The following WDR41 variants were observed in gnomAD, a reference collection of about 807,000 sequenced individuals.
The protein encoded by WDR41 is WD repeat domain 41.
In WDR41, 63 loss-of-function variants were observed where a neutral mutation model predicts 69.3. That is an observed-to-expected ratio of 0.91 (90% CI 0.74 to 1.12). The LOEUF is 1.12. Ranked by LOEUF, WDR41 falls within the 50% of genes most tolerant of loss-of-function variation. WDR41 has a pLI of 0.00. For synonymous variants in WDR41, 185 were observed against 192.1 expected (o/e 0.96, Z 0.31); for missense variants, 543 against 534.5 (o/e 1.02, Z -0.16).
chr5:77,512,351 A>AGAGAGAGAGAGAGAGAGAGAGAGAGT (rs1561211233), intron 1 of WDR41, among the ~76,000 whole-genome samples: 13 of 120,294 alleles, frequency 1.1e-4, no homozygotes, highest in Non-Finnish European at 1.0e-4. Flanking sequence ...AGAGAGAGAG[A>AGAGAGAGAGAGAGAGAGAGAGAGAGT]GTGAGTGTGT....
At chr5:77,479,977 G>GA (rs1277180582) in intron 2 of WDR41, 1 of 151,700 alleles carries the variant, frequency 6.6e-6, no homozygotes, top group Non-Finnish European at 1.5e-5. Flanking sequence ...AAATTTACAA[G>GA]AAAAAAACAA....
chr5:77,433,252 C>T lies in WDR41; in HGVS notation c.1263G>A (p.Thr421=), dbSNP rs747323957. The change falls in exon 13 of 13, where the codon ACG becomes ACA. Residue 421 remains threonine, a synonymous_variant. Coordinates refer to ENST00000296679, the MANE Select transcript of WDR41 (RefSeq NM_018268.4). ...FLYFEDHGLV[T]CSADHLIILW... ...AAATAATGAGATGATCAGCGGAGCA[C>T]GTCACTAGTCCATGATCTTCAAAGT... 23 of 1,613,662 alleles carry T rather than the reference C, an allele frequency of 1.4e-5. No homozygotes were observed. The highest frequency in any genetic ancestry group is 4.4e-5 in the South Asian group (4 of 90,970).
intron 1 of WDR41, among the ~76,000 whole-genome samples, chr5:77,530,336 CT>C (rs1256162752): frequency 6.6e-6 from 1 of 151,616 alleles, no homozygotes; most frequent in Non-Finnish European, 1.5e-5. Context: ...TTGATTGCAT[CT>C]TTATTAATAA....
At chr5:77,540,139 G>A (rs1579999198) in intron 1 of WDR41, among the ~76,000 whole-genome samples, 1 of 152,172 alleles carries the variant, frequency 6.6e-6, no homozygotes, top group East Asian at 1.9e-4. Context: ...CATCACTCCT[G>A]ATAGAATTCC....
chr5:77,549,788 G>T (rs1419315235), intron 1 of WDR41, among the ~76,000 whole-genome samples: 9 of 151,614 alleles, frequency 5.9e-5, no homozygotes, highest in Non-Finnish European at 8.9e-5. Context: ...AATATCCATA[G>T]CAATCCTAAG....
rs1802191683 is a variant in WDR41, at chr5:77,511,147, T to C, written c.43-21575A>G. On this transcript the variant is annotated intron_variant, in intron 1 of 5. Transcript: ENST00000509971. ...ACAAAGTGTTACTTATCATAATTTT[T>C]AGAACTCCACATTGAAAGATCCTCC... is the stretch of plus-strand genomic sequence containing the variant. Among the ~76,000 whole-genome samples, 4 of 152,220 alleles carry C rather than the reference T, an allele frequency of 2.6e-5. No homozygotes were observed. In the South Asian group the frequency reaches 8.3e-4, roughly 31 times the overall value.
intron 1 of WDR41, among the ~76,000 whole-genome samples, chr5:77,517,457 C>T (rs1271500660): frequency 6.6e-6 from 1 of 152,150 alleles, no homozygotes; most frequent in Non-Finnish European, 1.5e-5. Context: ...AATGCCCCTG[C>T]TGCAGCTAGA....
chr5:77,620,342 C>G (rs1414682842), intron 1 of WDR41: 1 of 365,984 alleles, frequency 2.7e-6, no homozygotes, highest in Non-Finnish European at 5.4e-6. Flanking sequence ...TGCTGTAAGT[C>G]TCTTTAGTCA....
intron 1 of WDR41, among the ~76,000 whole-genome samples, chr5:77,617,321 T>C (rs1744696532): frequency 6.6e-6 from 1 of 152,212 alleles, no homozygotes; most frequent in Admixed American, 6.5e-5. Flanking sequence ...ATTTGTTGTG[T>C]TTTCACTTAG....
chr5:77,535,476 A>G (rs1355174966), intron 1 of WDR41, among the ~76,000 whole-genome samples: 4 of 152,186 alleles, frequency 2.6e-5, no homozygotes, highest in African/African-American at 7.2e-5. Context: ...GTGCATACGT[A>G]TATCTCGGTA....
At chr5:77,453,720 C>T (rs1581710088) in intron 6 of WDR41, 97 bp downstream of exon 6, 7 of 911,836 alleles carry the variant, frequency 7.7e-6, no homozygotes, top group Admixed American at 4.3e-5. Flanking sequence ...GAAAAATCCC[C>T]TATATTGACC....
chr5:77,491,988 A>AG, intron 1 of WDR41, 182 bp downstream of exon 1: 1 of 729,216 alleles, frequency 1.4e-6, no homozygotes. Flanking sequence ...GCCGGGTCTG[A>AG]GGAGCTCCGG....
chr5:77,494,371 CA>C (rs140701135), upstream of WDR41, among the ~76,000 whole-genome samples: 5 of 149,188 alleles, frequency 3.4e-5, no homozygotes, highest in Non-Finnish European at 7.5e-5. Context: ...GGCAGATTGA[CA>C]AAAAAAAACC....
At chr5:77,512,922 A>C (rs1160710523) in intron 1 of WDR41, among the ~76,000 whole-genome samples, 1 of 152,168 alleles carries the variant, frequency 6.6e-6, no homozygotes, top group African/African-American at 2.4e-5. Flanking sequence ...CTAAGGATTC[A>C]AAGATGCCTT....
chr5:77,474,738 T>G (rs1800816284), intron 2 of WDR41, among the ~76,000 whole-genome samples: 1 of 152,190 alleles, frequency 6.6e-6, no homozygotes, highest in Admixed American at 6.5e-5. Context: ...AGGTAAAACA[T>G]TTGGTAAGTT....
intron 2 of WDR41, among the ~76,000 whole-genome samples, chr5:77,486,654 AC>A (rs1358902817): frequency 5.9e-5 from 9 of 152,040 alleles, no homozygotes; most frequent in Admixed American, 5.2e-4. Context: ...CACCTGAAAA[AC>A]CACATGGAGG....
intron 1 of WDR41, among the ~76,000 whole-genome samples, chr5:77,568,291 T>C (rs1743673975): frequency 6.6e-6 from 1 of 152,164 alleles, no homozygotes; most frequent in African/African-American, 2.4e-5. Flanking sequence ...ACAAGGGCTA[T>C]TTTTGCCTGT....
At chr5:77,539,740 A>T (rs951078447) in intron 1 of WDR41, among the ~76,000 whole-genome samples, 3 of 152,226 alleles carry the variant, frequency 2.0e-5, no homozygotes, top group African/African-American at 7.2e-5. Context: ...ACAGTGTTTT[A>T]TACTAACAGC....
chr5:77,437,727 T>A (rs1799000095), intron 10 of WDR41, among the ~76,000 whole-genome samples: 1 of 152,170 alleles, frequency 6.6e-6, no homozygotes, highest in African/African-American at 2.4e-5. Flanking sequence ...CCTTCCCTCC[T>A]CTTGCTACCT....
Sources: allele counts gnomAD v4.1 joint callset (sites outside exome capture counted in the v4.1 genomes callset), GRCh38; gene constraint gnomAD v4.1.1; transcripts MANE v1.5; gene names NCBI Gene and HGNC (gene_info 2026-07-23, HGNC 2026-07-21).